Variants in EYS observed in about 807,000 individuals in gnomAD.
EYS encodes EGF-like photoreceptor maintenance factor, also known as protein eyes shut homolog.
EYS carries 250 observed loss-of-function variants against 282.1 expected under a neutral mutation model. The ratio of observed to expected loss-of-function variants is 0.89; its 90% CI spans 0.80 to 0.98. The LOEUF is 0.98. Ranked by LOEUF, EYS falls within the 50% of genes least tolerant of loss-of-function variation. The probability of loss-of-function intolerance (pLI) is 0.00; values close to 1 mark genes in which losing one functional copy is unlikely to be tolerated. For synonymous variants in EYS, 1,355 were observed against 1,282.9 expected (o/e 1.06, Z -1.20); for missense variants, 4,016 against 3,709.0 (o/e 1.08, Z -2.15).
At chr6:64,057,641 A>G (rs1771031046) in intron 33 of EYS, among the ~76,000 whole-genome samples, 2 of 152,300 alleles carry the variant, frequency 1.3e-5, no homozygotes, top group South Asian at 2.1e-4. Flanking sequence ...TAATTGTTAA[A>G]CAAGTATGCT....
chr6:63,720,909 C>G lies in EYS; in HGVS notation c.9122G>C (p.Cys3041Ser). 1.3e-6 allele frequency: 2 copies of G among 1,551,084 alleles called. No homozygotes were observed. Among genetic ancestry groups the G allele is most frequent in the Non-Finnish European group, 1.7e-6 (2 of 1,146,606 alleles). ...TACAACTACATGGTGCCATTTATTA[C>G]AACAGAATGTGCCATTGTTATAGCT... ...PMSYNNGTFCCNKWHHVVVIQ... is the reference protein window; with the variant it reads ...PMSYNNGTFCSNKWHHVVVIQ... The change falls in exon 43 of 43, where the codon TGT becomes TCT. Residue 3041 changes from cysteine to serine, a missense_variant. Coordinates refer to ENST00000503581, the MANE Select transcript of EYS (RefSeq NM_001142800.2).
At chr6:64,098,805 A>G (rs1772725871) in intron 31 of EYS, among the ~76,000 whole-genome samples, 1 of 151,792 alleles carries the variant, frequency 6.6e-6, no homozygotes. Flanking sequence ...GGGTTTCACT[A>G]TGTTGGTCAG....
Position 64,026,193 on chromosome 6 carries a change from C to A in EYS, c.6726-27010G>T, listed in dbSNP as rs571563854. ...CATCAGTGAGCACAACTATTCCGAT[C>A]AGCAGGGTCCAGGGACTGTTATGGG... On this transcript the variant is annotated intron_variant, in intron 33 of 42. Coordinates refer to ENST00000503581, the MANE Select transcript of EYS (RefSeq NM_001142800.2). Among the ~76,000 whole-genome samples, 4 of 152,174 alleles carry A rather than the reference C, an allele frequency of 2.6e-5. No homozygotes were observed. The East Asian group carries it at 7.7e-4, about 29-fold the overall frequency.
intron 32 of EYS, among the ~76,000 whole-genome samples, chr6:64,075,889 ATTCTAGG>A (rs1260446277): frequency 2.0e-5 from 3 of 151,966 alleles, no homozygotes; most frequent in Non-Finnish European, 4.4e-5. Context: ...GAATCACATA[ATTCTAGG>A]TCAAGGGTTG....
intron 19 of EYS, among the ~76,000 whole-genome samples, chr6:64,861,383 CAGG>C (rs1213561289): frequency 6.6e-6 from 1 of 152,214 alleles, no homozygotes; most frequent in African/African-American, 2.4e-5. Flanking sequence ...AGCCAGGCAG[CAGG>C]AGCAGGCACC....
chr6:64,287,379 A>G lies in EYS; in HGVS notation c.6191+19591T>C, dbSNP rs536835215. Among the ~76,000 whole-genome samples the G allele has an allele frequency of 8.6e-5, 13 of 151,920 alleles. No homozygotes were observed. In the East Asian group the frequency reaches 2.1e-3, roughly 25 times the overall value. ...TGCTATTTTTAATGCTTGGGATTTT[A>G]TCTACAATTTTATAAAAATTTAATA... On this transcript the variant is annotated intron_variant, in intron 30 of 42. Coordinates refer to ENST00000503581, the MANE Select transcript of EYS (RefSeq NM_001142800.2).
intron 5 of EYS, among the ~76,000 whole-genome samples, chr6:65,480,762 G>T (rs1765577855): frequency 6.6e-6 from 1 of 152,108 alleles, no homozygotes; most frequent in Non-Finnish European, 1.5e-5. Context: ...ATACACAATG[G>T]TATACTATTC....
At chr6:65,210,931 A>AACACACACACACACAC (rs59095242) in intron 12 of EYS, among the ~76,000 whole-genome samples, 6 of 148,402 alleles carry the variant, frequency 4.0e-5, no homozygotes, top group African/African-American at 1.5e-4. Context: ...AAGTCGTACA[A>AACACACACACACACAC]ACACACACAC....
chr6:64,529,746 T>C (rs1764261953), intron 26 of EYS, among the ~76,000 whole-genome samples: 1 of 152,018 alleles, frequency 6.6e-6, no homozygotes, highest in Non-Finnish European at 1.5e-5. Flanking sequence ...AAAGGAATAC[T>C]AGAGCTCAGC....
At chr6:63,960,353 C>T (rs1360492116) in intron 35 of EYS, among the ~76,000 whole-genome samples, 2 of 152,120 alleles carry the variant, frequency 1.3e-5, no homozygotes, top group Non-Finnish European at 2.9e-5. Context: ...CATGATCAAA[C>T]TTGAGTTTGA....
chr6:65,609,964 A>G (rs886795606), intron 2 of EYS, among the ~76,000 whole-genome samples: 1 of 152,122 alleles, frequency 6.6e-6, no homozygotes, highest in African/African-American at 2.4e-5. Flanking sequence ...CAATGGTGCA[A>G]TTTTAGGTCA....
intron 39 of EYS, chr6:63,779,065 A>G (rs1403106327): frequency 1.3e-5 from 2 of 150,476 alleles, no homozygotes. Context: ...CAATTTTGCT[A>G]TGGTAGTTTT....
chr6:63,773,386 G>A (rs1490292471), intron 40 of EYS, among the ~76,000 whole-genome samples: 2 of 152,178 alleles, frequency 1.3e-5, no homozygotes, highest in African/African-American at 4.8e-5. Flanking sequence ...ACCAGTACAA[G>A]GTAATGAGTT....
chr6:64,211,461 T>C (rs1172221221), intron 31 of EYS, among the ~76,000 whole-genome samples: 2 of 151,914 alleles, frequency 1.3e-5, no homozygotes, highest in Non-Finnish European at 2.9e-5. Flanking sequence ...GATTTTGACG[T>C]GTCAGTCACT....
chr6:64,459,316 G>C (rs2150483632), intron 26 of EYS, among the ~76,000 whole-genome samples: 1 of 152,318 alleles, frequency 6.6e-6, no homozygotes, highest in South Asian at 2.1e-4. Context: ...AATGTGATGA[G>C]AAAATGTATT....
chr6:65,005,216 C>T (rs985158103), intron 13 of EYS, among the ~76,000 whole-genome samples: 1 of 148,042 alleles, frequency 6.8e-6, no homozygotes, highest in African/African-American at 2.4e-5. Context: ...GCGCCCATTG[C>T]CACTCCCGAT....
chr6:64,959,532 A>T (rs1168268223), intron 14 of EYS, among the ~76,000 whole-genome samples: 2 of 152,166 alleles, frequency 1.3e-5, no homozygotes, highest in East Asian at 3.9e-4. Flanking sequence ...ACATGGGTAA[A>T]ATGCCCTAGG....
rs1317789827 is a variant in EYS at position 64,196,410 on chromosome 6, T to A, written c.6424+34182A>T. Among the ~76,000 whole-genome samples, 8 of 152,238 alleles carry A rather than the reference T, an allele frequency of 5.3e-5. No individual in the cohort carries two copies. In the East Asian group the frequency reaches 1.5e-3, roughly 29 times the overall value. On this transcript the variant is annotated intron_variant, in intron 31 of 42. Coordinates refer to ENST00000503581, the MANE Select transcript of EYS (RefSeq NM_001142800.2). ...CATTACTGGGTATACACCCAAAGGA[T>A]TATAAATCATGCTGCTATAAAGACA... is the stretch of plus-strand genomic sequence containing the variant.
In EYS at chr6:63,755,788, G is replaced by T. The variant is rs561957979; in HGVS notation, c.8071+6673C>A. 3.3e-5 allele frequency among the ~76,000 whole-genome samples: 5 copies of T among 152,164 alleles called. No individual in the cohort carries two copies. In the South Asian group the frequency reaches 1.0e-3, roughly 32 times the overall value. ...GCATGGAATGTTCTTCCATTTGTTTGTGTGTCCTCTCTTATTTCCTTGAGC... is the reference window on the plus strand; with the variant it reads ...GCATGGAATGTTCTTCCATTTGTTTTTGTGTCCTCTCTTATTTCCTTGAGC... On this transcript the variant is annotated intron_variant, in intron 41 of 42. Transcript: ENST00000503581.
Sources: allele counts gnomAD v4.1 joint callset (sites outside exome capture counted in the v4.1 genomes callset), GRCh38; gene constraint gnomAD v4.1.1; transcripts MANE v1.5; gene names NCBI Gene and HGNC (gene_info 2026-07-23, HGNC 2026-07-21).